RBFOX2: variants seen among roughly 807,000 people sequenced by gnomAD.
RBFOX2 encodes RNA binding protein fox-1 homolog 2.
A neutral mutation model predicts 49.1 loss-of-function variants in RBFOX2; 10 were observed. The observed-to-expected ratio is 0.20, with a 90% CI of 0.13 to 0.35. RBFOX2 has a LOEUF of 0.35. RBFOX2 is among the 10% of genes least tolerant of loss of function. The probability of loss-of-function intolerance (pLI) is 1.00; values close to 1 mark genes in which losing one functional copy is unlikely to be tolerated. For synonymous variants in RBFOX2, 183 were observed against 187.4 expected (o/e 0.98, Z 0.19); for missense variants, 323 against 486.9 (o/e 0.66, Z 3.17).
At chr22:35,973,072 G>T (rs903519410) in intron 1 of RBFOX2, among the ~76,000 whole-genome samples, 1 of 152,122 alleles carries the variant, frequency 6.6e-6, no homozygotes, top group Non-Finnish European at 1.5e-5. Context: ...AACAGAAACT[G>T]CCCTATCCTC....
upstream of RBFOX2, among the ~76,000 whole-genome samples, chr22:35,842,893 C>T (rs1305714973): frequency 6.6e-6 from 1 of 152,036 alleles, no homozygotes; most frequent in Non-Finnish European, 1.5e-5. Flanking sequence ...TTCCTCAGGC[C>T]AGGAATTCAT....
intron 9 of RBFOX2, chr22:35,748,494 G>A (rs1933662959): frequency 1.3e-5 from 2 of 150,002 alleles, no homozygotes; most frequent in Admixed American, 1.3e-4. Flanking sequence ...TTTTTTTTAA[G>A]CATTTGTTAA....
exon 12 of RBFOX2, chr22:35,743,426 G>A (rs1389595874): frequency 2.0e-5 from 3 of 152,186 alleles, no homozygotes; most frequent in African/African-American, 7.2e-5. Flanking sequence ...AAAAAGAAAT[G>A]ATCTTTTTCA....
At chr22:35,884,791 C>T (rs2046360080) in intron 1 of RBFOX2, among the ~76,000 whole-genome samples, 1 of 152,174 alleles carries the variant, frequency 6.6e-6, no homozygotes, top group Non-Finnish European at 1.5e-5. Flanking sequence ...ATCTTAGATG[C>T]TGCCTATCAC....
chr22:35,983,704 A>T (rs973868007), intron 1 of RBFOX2, among the ~76,000 whole-genome samples: 6 of 152,200 alleles, frequency 3.9e-5, no homozygotes, highest in Non-Finnish European at 7.3e-5. Context: ...TCCAGTGTCC[A>T]ACAGTGTTCG....
intron 1 of RBFOX2, among the ~76,000 whole-genome samples, chr22:35,846,704 G>A (rs369672074): frequency 1.3e-5 from 2 of 152,056 alleles, no homozygotes; most frequent in Non-Finnish European, 2.9e-5. Flanking sequence ...GCAGTGAGCC[G>A]AGATAACACC....
At chr22:35,816,429 T>G (rs1255867460) in intron 1 of RBFOX2, among the ~76,000 whole-genome samples, 2 of 152,140 alleles carry the variant, frequency 1.3e-5, no homozygotes, top group Non-Finnish European at 2.9e-5. Context: ...GACAAAAGTG[T>G]TAAGTGTCTA....
intron 1 of RBFOX2, among the ~76,000 whole-genome samples, chr22:35,884,911 T>C (rs1178975231): frequency 6.6e-6 from 1 of 152,086 alleles, no homozygotes; most frequent in Admixed American, 6.5e-5. Flanking sequence ...ATAATAGTAA[T>C]GAAAGCATCA....
rs544816374 is a variant in RBFOX2, at chr22:35,908,692, T to C, written c.-34+30155A>G. 1.6e-4 allele frequency among the ~76,000 whole-genome samples: 24 copies of C among 152,264 alleles called. No homozygotes were observed. The South Asian group carries it at 5.0e-3, about 32-fold the overall frequency. ...AACAGAGCAATATATACTATTGTTA[T>C]CATTACAATTACCACCACAATAGCC... On this transcript the variant is annotated intron_variant, in intron 1 of 13. Coordinates refer to the RBFOX2 transcript ENST00000359369.
chr22:35,935,995 TAAG>T (rs2053014581), intron 1 of RBFOX2, among the ~76,000 whole-genome samples: 2 of 152,080 alleles, frequency 1.3e-5, no homozygotes, highest in Admixed American at 1.3e-4. Flanking sequence ...CAGCCACTGA[TAAG>T]AATCTTGTCT....
rs1306160233 is a variant in RBFOX2, at chr22:35,748,511, CA to C, written c.888-1951del. The C allele has an allele frequency of 6.6e-5, 10 of 151,056 alleles. No individual in the cohort carries two copies. In the East Asian group the frequency reaches 1.6e-3, roughly 23 times the overall value. The allele number at this position is 151,056 out of a possible 1,614,324, so 9.4% of individuals were successfully genotyped here. A position where few individuals can be genotyped will look rare whatever the true frequency, so the allele number is the denominator to read the frequency against. ...TTTTTTAAGCATTTGTTAAACAAAGCAAATGTTAATTACAGTTGGAATTTTA... is the reference window on the plus strand; with the variant it reads ...TTTTTTAAGCATTTGTTAAACAAAGCAATGTTAATTACAGTTGGAATTTTA... On this transcript the variant is annotated intron_variant, in intron 9 of 11. Coordinates refer to ENST00000405409, the Ensembl canonical transcript of RBFOX2.
Position 35,828,046 on chromosome 22 carries a change from A to C in RBFOX2, c.27+12146T>G, listed in dbSNP as rs1603338083. Among the ~76,000 whole-genome samples, 3 of 152,164 alleles carry C rather than the reference A, an allele frequency of 2.0e-5. No individual in the cohort carries two copies. The East Asian group carries it at 5.8e-4, about 29-fold the overall frequency. On this transcript the variant is annotated intron_variant, in intron 1 of 11. Coordinates refer to ENST00000405409, the Ensembl canonical transcript of RBFOX2. ...CATAATGGCACATGCCTGTAATCCCAGCTACTTGGGAGGCTGAGGCAGGAG... is the reference window on the plus strand; with the variant it reads ...CATAATGGCACATGCCTGTAATCCCCGCTACTTGGGAGGCTGAGGCAGGAG...
At chr22:35,788,094 AT>A (rs1946793075) in intron 2 of RBFOX2, among the ~76,000 whole-genome samples, 1 of 152,214 alleles carries the variant, frequency 6.6e-6, no homozygotes, top group Non-Finnish European at 1.5e-5. Flanking sequence ...AGGACTACAA[AT>A]GTTTTCTTTT....
chr22:35,943,203 G>A (rs534816871), upstream of RBFOX2, among the ~76,000 whole-genome samples: 70 of 152,316 alleles, frequency 4.6e-4, no homozygotes, highest in African/African-American at 1.7e-3. Context: ...GGAAAGATTT[G>A]CCTCGTCTGG....
intron 5 of RBFOX2, 58 bp downstream of exon 6, chr22:35,768,199 A>T: frequency 1.3e-6 from 2 of 1,565,012 alleles, no homozygotes; most frequent in Non-Finnish European, 1.8e-6. Context: ...AAGTGAGGCA[A>T]CACGAAAAAA....
chr22:35,916,667 G>A (rs1038296467), intron 1 of RBFOX2, among the ~76,000 whole-genome samples: 6 of 152,002 alleles, frequency 3.9e-5, no homozygotes, highest in East Asian at 1.9e-4. Flanking sequence ...AGGCTGACGC[G>A]GGCGGGTCAC....
chr22:35,881,940 CAG>C (rs1226303637), intron 1 of RBFOX2, among the ~76,000 whole-genome samples: 1 of 141,348 alleles, frequency 7.1e-6, no homozygotes, highest in Non-Finnish European at 1.5e-5. Context: ...GCCTGGACAA[CAG>C]AGTGAGACCC....
chr22:35,751,980 C>A (rs1254416705), intron 9 of RBFOX2, among the ~76,000 whole-genome samples: 1 of 152,204 alleles, frequency 6.6e-6, no homozygotes, highest in Non-Finnish European at 1.5e-5. Flanking sequence ...TTTCTTTCTC[C>A]TAGCATCCAG....
rs36048607 is a variant in RBFOX2, at chr22:35,853,658, CGTGTGTGT to C, written c.-33-43662_-33-43655del. On this transcript the variant is annotated intron_variant, in intron 1 of 13. Coordinates refer to the RBFOX2 transcript ENST00000359369. The stretch of plus-strand genomic sequence containing the variant: ...CCATACATATACATATATATACACA[CGTGTGTGT>C]GTGTGTGTGTGTGTGTGTGTGTGTG... Among the ~76,000 whole-genome samples the C allele has an allele frequency of 6.1e-3, 861 of 141,132 alleles. 2 individuals carry two copies. The highest frequency in any genetic ancestry group is 0.05 in the Middle Eastern group (14 of 282). The allele number at this position is 141,132 out of a possible 152,430, so 92.6% of individuals were successfully genotyped here. A position where few individuals can be genotyped will look rare whatever the true frequency, so the allele number is the denominator to read the frequency against.
Sources: allele counts gnomAD v4.1 joint callset (sites outside exome capture counted in the v4.1 genomes callset), GRCh38; gene constraint gnomAD v4.1.1; transcripts MANE v1.5; gene names NCBI Gene and HGNC (gene_info 2026-07-23, HGNC 2026-07-21).